Variants in ANKS1B observed in about 807,000 individuals in gnomAD.
The protein encoded by ANKS1B is ankyrin repeat and sterile alpha motif domain-containing protein 1B.
In ANKS1B, 36 loss-of-function variants were observed where a neutral mutation model predicts 148.3. The observed-to-expected ratio is 0.24, with a 90% CI of 0.19 to 0.32. The LOEUF is 0.32. Among genes scored for constraint, ANKS1B ranks in the 10% least tolerant of loss-of-function variants. The pLI is 1.00. For synonymous variants in ANKS1B, 542 were observed against 560.8 expected, an observed-to-expected ratio of 0.97 and a Z score of 0.47; for missense variants, 1,157 against 1,542.6, an observed-to-expected ratio of 0.75 and a Z score of 4.19.
intron 12 of ANKS1B, among the ~76,000 whole-genome samples, chr12:99,350,847 T>G (rs1303202749): frequency 6.6e-6 from 1 of 152,078 alleles, no homozygotes; most frequent in Non-Finnish European, 1.5e-5. Flanking sequence ...CACATCCACG[T>G]CTTTCTGAAT....
At chr12:99,584,158 A>G (rs1181194496) in intron 9 of ANKS1B, among the ~76,000 whole-genome samples, 1 of 152,218 alleles carries the variant, frequency 6.6e-6, no homozygotes, top group Non-Finnish European at 1.5e-5. Context: ...GCATTTAACA[A>G]TTTATTCAGA....
intron 12 of ANKS1B, among the ~76,000 whole-genome samples, chr12:99,374,649 A>T (rs999218284): frequency 1.3e-5 from 2 of 152,180 alleles, no homozygotes; most frequent in African/African-American, 4.8e-5. Context: ...TGTTTTAGTA[A>T]CCAGAAATAT....
intron 19 of ANKS1B, among the ~76,000 whole-genome samples, chr12:98,823,926 T>C (rs745970163): frequency 2.0e-5 from 3 of 152,218 alleles, no homozygotes; most frequent in Non-Finnish European, 2.9e-5. Context: ...TCAGGAAAAG[T>C]ATATAAGAGG....
intron 20 of ANKS1B, among the ~76,000 whole-genome samples, chr12:98,802,155 C>T (rs1478398676): frequency 1.3e-5 from 2 of 152,112 alleles, no homozygotes; most frequent in East Asian, 1.9e-4. Context: ...CTAGATTTGG[C>T]TATATATAGA....
In ANKS1B at chr12:99,938,284, A is replaced by G. The variant is rs1394590271; in HGVS notation, c.134+45820T>C. Among the ~76,000 whole-genome samples, 3 of 152,184 alleles carry G rather than the reference A, an allele frequency of 2.0e-5. No individual in the cohort carries two copies. In the East Asian group the frequency reaches 5.8e-4, roughly 29 times the overall value. ...TAGCCAGCAAGAAATTGAAACCCTC[A>G]GTCCTACAACCACAGGAATTAAATT... On this transcript the variant is annotated intron_variant, in intron 1 of 26. Transcript: ENST00000683438.
intron 14 of ANKS1B, among the ~76,000 whole-genome samples, chr12:99,200,604 T>C (rs2081961643): frequency 6.6e-6 from 1 of 152,176 alleles, no homozygotes; most frequent in Non-Finnish European, 1.5e-5. Flanking sequence ...TTGCTCTATG[T>C]ATAGGTGGGG....
chr12:99,392,889 T>C (rs1030934063), intron 12 of ANKS1B, among the ~76,000 whole-genome samples: 1 of 144,022 alleles, frequency 6.9e-6, no homozygotes, highest in Non-Finnish European at 1.5e-5. Context: ...ACTCTACATA[T>C]CTACTTGAAT....
At chr12:99,434,814 G>T (rs1238748820) in intron 11 of ANKS1B, among the ~76,000 whole-genome samples, 2 of 151,878 alleles carry the variant, frequency 1.3e-5, no homozygotes, top group African/African-American at 2.4e-5. Flanking sequence ...ATGCTCTAGG[G>T]GAAAAAGCTG....
chr12:99,379,385 G>A (rs575023680), intron 12 of ANKS1B, among the ~76,000 whole-genome samples: 79 of 152,294 alleles, frequency 5.2e-4, no homozygotes, highest in African/African-American at 1.8e-3. Flanking sequence ...TATATGCTCT[G>A]TGCTTTCATC....
intron 14 of ANKS1B, among the ~76,000 whole-genome samples, chr12:99,184,870 C>T (rs1456465618): frequency 6.6e-6 from 1 of 152,144 alleles, no homozygotes; most frequent in Non-Finnish European, 1.5e-5. Context: ...AAAAATTATG[C>T]TTATATCACA....
intron 10 of ANKS1B, among the ~76,000 whole-genome samples, chr12:99,489,938 A>G (rs907556003): frequency 1.3e-5 from 2 of 152,238 alleles, no homozygotes; most frequent in Non-Finnish European, 2.9e-5. Flanking sequence ...CTGCATATAA[A>G]TAGAATAGGT....
At position 99,452,237 on chromosome 12, in the gene ANKS1B, T is replaced by C. The variant is rs1483039531; in HGVS notation, c.1439-8428A>G. On this transcript the variant is annotated intron_variant, in intron 10 of 26. Coordinates refer to ENST00000683438, the MANE Select transcript of ANKS1B (RefSeq NM_001352186.2). ...AAATTTTACTTACAAAAACAAGCAGTAGACAAGATTAAGTTTGTTGGTGAT... is the reference window on the plus strand; with the variant it reads ...AAATTTTACTTACAAAAACAAGCAGCAGACAAGATTAAGTTTGTTGGTGAT... Among the ~76,000 whole-genome samples, 23 of 152,014 alleles carry C rather than the reference T, an allele frequency of 1.5e-4. 1 individual carries two copies. Among genetic ancestry groups the C allele is most frequent in the Admixed American group, 1.5e-3 (23 of 15,240 alleles).
At chr12:99,234,106 A>G (rs1032631393) in intron 14 of ANKS1B, among the ~76,000 whole-genome samples, 1 of 152,286 alleles carries the variant, frequency 6.6e-6, no homozygotes, top group African/African-American at 2.4e-5. Context: ...GAGCTCTGTT[A>G]GAGCTAGGCA....
intron 8 of ANKS1B, among the ~76,000 whole-genome samples, chr12:99,732,007 C>T (rs1182234205): frequency 6.6e-6 from 1 of 152,036 alleles, no homozygotes; most frequent in Non-Finnish European, 1.5e-5. Flanking sequence ...AAAGTTTGAA[C>T]AGATACTTCA....
chr12:99,867,707 A>G (rs182841456), intron 1 of ANKS1B, among the ~76,000 whole-genome samples: 270 of 152,312 alleles, frequency 1.8e-3, no homozygotes, highest in Non-Finnish European at 2.9e-3. Context: ...TCAAGATGAG[A>G]CTTGAGTGGG....
At chr12:99,575,363 C>A (rs192756352) in intron 9 of ANKS1B, among the ~76,000 whole-genome samples, 5 of 152,182 alleles carry the variant, frequency 3.3e-5, no homozygotes, top group East Asian at 3.9e-4. Flanking sequence ...TACCACCACG[C>A]CTGCCTTACA....
intron 11 of ANKS1B, among the ~76,000 whole-genome samples, chr12:99,404,421 C>A (rs2094485114): frequency 6.9e-6 from 1 of 145,486 alleles, no homozygotes; most frequent in Non-Finnish European, 1.5e-5. Flanking sequence ...TATTCAGAAT[C>A]CTATCAGATA....
intron 1 of ANKS1B, among the ~76,000 whole-genome samples, chr12:99,956,427 C>G (rs2153827859): frequency 6.6e-6 from 1 of 152,238 alleles, no homozygotes; most frequent in East Asian, 1.9e-4. Flanking sequence ...CATTATTCTA[C>G]TACATCTCCT....
chr12:99,236,580 T>C (rs76229044), intron 14 of ANKS1B, among the ~76,000 whole-genome samples: 3,407 of 152,268 alleles, frequency 0.022, 103 homozygotes, highest in African/African-American at 0.071. Flanking sequence ...GGTCCCTCCC[T>C]TGACATATCA....
Sources: allele counts gnomAD v4.1 joint callset (sites outside exome capture counted in the v4.1 genomes callset), GRCh38; gene constraint gnomAD v4.1.1; transcripts MANE v1.5; gene names NCBI Gene and HGNC (gene_info 2026-07-23, HGNC 2026-07-21).